Variants in SLC4A8 observed in about 807,000 individuals in gnomAD.
SLC4A8 encodes the protein solute carrier family 4 member 8.
A neutral mutation model predicts 125.0 loss-of-function variants in SLC4A8; 40 were observed. The observed-to-expected ratio is 0.32, with a 90% CI of 0.25 to 0.42. The LOEUF is 0.42. SLC4A8 is among the 10% of genes least tolerant of loss of function. SLC4A8 has a pLI of 1.00. For synonymous variants in SLC4A8, 456 were observed against 476.0 expected (o/e 0.96, Z 0.55); for missense variants, 863 against 1,355.1 (o/e 0.64, Z 5.70).
chr12:51,466,197 G>A (rs1950510491), intron 11 of SLC4A8, among the ~76,000 whole-genome samples: 1 of 152,142 alleles, frequency 6.6e-6, no homozygotes, highest in Non-Finnish European at 1.5e-5. Flanking sequence ...CCCTGATATT[G>A]ACTAAGGCAG....
intron 5 of SLC4A8, among the ~76,000 whole-genome samples, chr12:51,455,959 A>C (rs1950136263): frequency 6.6e-6 from 1 of 151,928 alleles, no homozygotes; most frequent in East Asian, 1.9e-4. Flanking sequence ...GCTGTTTAAA[A>C]CTCTTTGTAA....
chr12:51,480,725 C>T (rs1191231158), intron 16 of SLC4A8: 1 of 519,712 alleles, frequency 1.9e-6, no homozygotes, highest in East Asian at 1.5e-4. Context: ...ACAGAAAAGA[C>T]TACTGGAAGA....
intron 17 of SLC4A8, among the ~76,000 whole-genome samples, chr12:51,488,461 A>G (rs1363131386): frequency 6.6e-6 from 1 of 151,808 alleles, no homozygotes; most frequent in Non-Finnish European, 1.5e-5. Flanking sequence ...TTTCTTATCT[A>G]CCATCCTGCA....
chr12:51,409,663 C>T (rs2137963555), intron 1 of SLC4A8, among the ~76,000 whole-genome samples: 1 of 152,236 alleles, frequency 6.6e-6, no homozygotes, highest in Non-Finnish European at 1.5e-5. Flanking sequence ...GATCCTCCTG[C>T]CTCAGCCTCC....
intron 1 of SLC4A8, among the ~76,000 whole-genome samples, chr12:51,413,162 C>T (rs1948624723): frequency 6.6e-6 from 1 of 152,090 alleles, no homozygotes; most frequent in African/African-American, 2.4e-5. Context: ...ATTTCCCTAA[C>T]AGTTAGTGAT....
chr12:51,486,511 G>A lies in SLC4A8; in HGVS notation c.2286+611G>A, dbSNP rs572225915. ...TATTTTTCAAGAAACTATACAAAAA[G>A]TCAAACAAATGATCAATACATGGGG... On this transcript the variant is annotated intron_variant, in intron 17 of 24. Transcript: ENST00000453097. 1.4e-4 allele frequency among the ~76,000 whole-genome samples: 21 copies of A among 152,318 alleles called. No homozygotes were observed. The South Asian group carries it at 4.4e-3, about 32-fold the overall frequency.
intron 11 of SLC4A8, among the ~76,000 whole-genome samples, chr12:51,465,536 A>T (rs1950486675): frequency 6.6e-6 from 1 of 152,162 alleles, no homozygotes; most frequent in Non-Finnish European, 1.5e-5. Flanking sequence ...CTTATTCACA[A>T]ACCGCAAGTA....
chr12:51,424,037 C>CAAAAA (rs35611847), upstream of SLC4A8, among the ~76,000 whole-genome samples: 6 of 38,178 alleles, frequency 1.6e-4, no homozygotes, highest in Non-Finnish European at 1.4e-4. Flanking sequence ...ACTTCGTCTC[C>CAAAAA]AAAAAAAAAA....
chr12:51,416,211 GT>G (rs57565585), intron 1 of SLC4A8, among the ~76,000 whole-genome samples: 53 of 82,532 alleles, frequency 6.4e-4, no homozygotes, highest in South Asian at 5.6e-3. Context: ...GAGGTCTTTT[GT>G]TTTTTTTTTT....
chr12:51,402,769 A>G (rs1948416149), intron 1 of SLC4A8, among the ~76,000 whole-genome samples: 1 of 152,168 alleles, frequency 6.6e-6, no homozygotes, highest in Non-Finnish European at 1.5e-5. Context: ...GTTGACTCCT[A>G]GGCATTTATT....
chr12:51,446,088 G>C (rs1026022357), intron 2 of SLC4A8, among the ~76,000 whole-genome samples: 1 of 152,154 alleles, frequency 6.6e-6, no homozygotes, highest in East Asian at 1.9e-4. Flanking sequence ...CACGCTATAT[G>C]CTTTTTATAG....
In SLC4A8 at chr12:51,427,757, A is replaced by G. The variant is rs190861102; in HGVS notation, c.48+2722A>G. Among the ~76,000 whole-genome samples, 1,007 of 152,294 alleles carry G rather than the reference A, an allele frequency of 6.6e-3. 7 individuals are homozygous for G. Among genetic ancestry groups the G allele is most frequent in the Non-Finnish European group, 0.011 (749 of 68,024 alleles). ...TCCAGACATCACCTCTAAATATCAT[A>G]AGGCTGTGCTGTTTTGGAAGATGTG... On this transcript the variant is annotated intron_variant, in intron 1 of 24. Transcript: ENST00000453097.
chr12:51,441,278 G>A (rs1949586205), intron 2 of SLC4A8: 3 of 818,992 alleles, frequency 3.7e-6, no homozygotes, highest in Admixed American at 6.2e-5. Context: ...TAAACAAGAG[G>A]GAAAACAGGA....
intron 1 of SLC4A8, 145 bp downstream of exon 1, chr12:51,425,180 G>A (rs1948926255): frequency 2.6e-5 from 37 of 1,423,832 alleles, no homozygotes; most frequent in Non-Finnish European, 3.3e-5. Flanking sequence ...GGACACCAGG[G>A]GGCGCTCCGG....
chr12:51,459,968 GA>G lies in SLC4A8; in HGVS notation c.880del (p.Ile294PhefsTer26). 1 of 1,613,630 alleles carries G rather than the reference GA, an allele frequency of 6.2e-7. No individual in the cohort carries two copies. Among genetic ancestry groups the G allele is most frequent in the South Asian group, 1.1e-5 (1 of 91,034 alleles). On this transcript the variant is annotated frameshift_variant, in exon 8 of 25. Transcript: ENST00000453097. LOFTEE classifies it high-confidence loss of function. ...DLSKVDLHFM[K>X]KIPTGAEASN... Reference sequence around the variant, plus strand: ...ACTTTCAGGTAGACCTTCATTTCATGAAAAAAATTCCTACTGGGGCCGAGGC... The same window carrying G: ...ACTTTCAGGTAGACCTTCATTTCATGAAAAAATTCCTACTGGGGCCGAGGC...
chr12:51,401,137 G>A, intron 1 of SLC4A8, among the ~76,000 whole-genome samples: 1 of 152,062 alleles, frequency 6.6e-6, no homozygotes, highest in African/African-American at 2.4e-5. Flanking sequence ...TTGAGACGGA[G>A]CGTTCCTCTG....
At chr12:51,489,464 G>A (rs1951248057) in intron 18 of SLC4A8, among the ~76,000 whole-genome samples, 1 of 152,152 alleles carries the variant, frequency 6.6e-6, no homozygotes, top group Non-Finnish European at 1.5e-5. Flanking sequence ...AGAGTCAGCT[G>A]GAGGCACTTG....
chr12:51,451,155 A>T, intron 3 of SLC4A8, 133 bp downstream of exon 3: 1 of 852,674 alleles, frequency 1.2e-6, no homozygotes, highest in Non-Finnish European at 1.7e-6. Flanking sequence ...CTTGCTTCTA[A>T]GAAGAAATGC....
intron 11 of SLC4A8, among the ~76,000 whole-genome samples, chr12:51,466,734 AT>A (rs1349131721): frequency 6.6e-6 from 1 of 152,158 alleles, no homozygotes; most frequent in East Asian, 1.9e-4. Flanking sequence ...TTCAGAAATT[AT>A]TTTATTAATT....
Sources: allele counts gnomAD v4.1 joint callset (sites outside exome capture counted in the v4.1 genomes callset), GRCh38; gene constraint gnomAD v4.1.1; transcripts MANE v1.5; gene names NCBI Gene and HGNC (gene_info 2026-07-23, HGNC 2026-07-21).